DCC: variants seen among roughly 807,000 people sequenced by gnomAD.
DCC encodes the protein DCC netrin 1 receptor, also known as netrin receptor DCC.
Under a neutral mutation model 172.5 loss-of-function variants are expected in DCC, and 58 were observed. That is an observed-to-expected ratio of 0.34 (90% CI 0.27 to 0.42). The LOEUF (loss-of-function observed/expected upper bound fraction) is 0.42, where lower values mean the gene tolerates loss of function less well. Ranked by LOEUF, DCC falls within the 10% of genes least tolerant of loss-of-function variation. The pLI is 1.00. For missense variants in DCC, 1,740 were observed against 1,791.0 expected (o/e 0.97, Z 0.51); for synonymous variants, 709 against 644.5 (o/e 1.10, Z -1.52).
At chr18:52,868,456 G>GC (rs2039264137) in intron 2 of DCC, among the ~76,000 whole-genome samples, 1 of 152,136 alleles carries the variant, frequency 6.6e-6, no homozygotes, top group African/African-American at 2.4e-5. Flanking sequence ...TTTGTGGAGT[G>GC]CTGCCACTAA....
chr18:53,301,106 C>T (rs72925341), intron 12 of DCC, among the ~76,000 whole-genome samples: 44,369 of 146,988 alleles, frequency 0.3, 8,566 homozygotes, highest in Non-Finnish European at 0.44. Context: ...TTTCTTTTTC[C>T]GAGATGGAGT....
intron 12 of DCC, among the ~76,000 whole-genome samples, chr18:53,261,335 A>G (rs987374043): frequency 1.3e-5 from 2 of 152,180 alleles, no homozygotes; most frequent in East Asian, 1.9e-4. Context: ...CTATTCAGCC[A>G]TCTTGGCTCC....
chr18:52,920,119 G>C (rs1191272017), intron 3 of DCC, among the ~76,000 whole-genome samples: 1 of 151,070 alleles, frequency 6.6e-6, no homozygotes, highest in African/African-American at 2.4e-5. Flanking sequence ...GAAACTTCTA[G>C]AGGATAATGT....
rs143230659 is a variant in DCC, at chr18:53,402,929, C to T, written c.2935+36C>T. On this transcript the variant is annotated intron_variant, in intron 19 of 28. Coordinates refer to ENST00000442544, the MANE Select transcript of DCC (RefSeq NM_005215.4). ...CCACTTTCTCTCCCAGCATAGCTCT[C>T]CCTTGTCCTATAATTGCTTACCCCC... The T allele has an allele frequency of 5.0e-3, 7,345 of 1,457,218 alleles. 88 individuals are homozygous for T. Among genetic ancestry groups the T allele is most frequent in the Admixed American group, 0.03 (1,821 of 59,800 alleles). The allele number at this position is 1,457,218 out of a possible 1,614,324, so 90.3% of individuals were successfully genotyped here.
At chr18:53,093,829 G>A (rs996142260) in intron 7 of DCC, among the ~76,000 whole-genome samples, 1 of 152,148 alleles carries the variant, frequency 6.6e-6, no homozygotes, top group Non-Finnish European at 1.5e-5. Flanking sequence ...TGACAGATTT[G>A]TATTCAGCGA....
intron 1 of DCC, among the ~76,000 whole-genome samples, chr18:52,422,560 C>T (rs1987285149): frequency 1.3e-5 from 2 of 152,044 alleles, no homozygotes; most frequent in African/African-American, 4.8e-5. Flanking sequence ...AATGAATGTG[C>T]CTAGTAATAT....
intron 5 of DCC, among the ~76,000 whole-genome samples, chr18:53,045,610 G>A (rs1468174345): frequency 6.6e-6 from 1 of 151,762 alleles, no homozygotes; most frequent in Non-Finnish European, 1.5e-5. Flanking sequence ...CAAGACCGAT[G>A]GCAGGGATTT....
intron 1 of DCC, among the ~76,000 whole-genome samples, chr18:52,418,267 A>G (rs375524248): frequency 6.6e-6 from 1 of 152,200 alleles, no homozygotes; most frequent in East Asian, 1.9e-4. Flanking sequence ...CCCCTGGTGT[A>G]TCTTGAGAAT....
intron 1 of DCC, among the ~76,000 whole-genome samples, chr18:52,517,421 AT>A (rs2031677660): frequency 6.6e-6 from 1 of 152,186 alleles, no homozygotes; most frequent in African/African-American, 2.4e-5. Flanking sequence ...GCTGCGTAGA[AT>A]TTAGGTTAAC....
At chr18:53,345,034 G>A (rs563215636) in intron 15 of DCC, among the ~76,000 whole-genome samples, 1 of 151,914 alleles carries the variant, frequency 6.6e-6, no homozygotes, top group Admixed American at 6.6e-5. Flanking sequence ...TGCTATTAGA[G>A]CATGAAAGCA....
chr18:53,153,745 A>G (rs934102810), intron 7 of DCC, among the ~76,000 whole-genome samples: 3 of 152,150 alleles, frequency 2.0e-5, no homozygotes, highest in African/African-American at 7.2e-5. Context: ...GGAAAGTAGG[A>G]GTTATACAGA....
chr18:52,436,869 G>A (rs899698597), intron 1 of DCC, among the ~76,000 whole-genome samples: 4 of 152,138 alleles, frequency 2.6e-5, no homozygotes, highest in Non-Finnish European at 5.9e-5. Context: ...TCAGTGAGCC[G>A]AGATCATGCC....
chr18:53,340,426 A>G (rs917576653), intron 15 of DCC, among the ~76,000 whole-genome samples: 1 of 152,158 alleles, frequency 6.6e-6, no homozygotes, highest in Non-Finnish European at 1.5e-5. Flanking sequence ...CTGCAAAAGA[A>G]GATGAAAGAA....
chr18:53,098,989 A>G (rs1322249684), intron 7 of DCC, among the ~76,000 whole-genome samples: 1 of 152,090 alleles, frequency 6.6e-6, no homozygotes, highest in Non-Finnish European at 1.5e-5. Context: ...AGCCTGTGTG[A>G]CATAGCAAGA....
chr18:52,910,345 A>C (rs1392640444), intron 3 of DCC, among the ~76,000 whole-genome samples: 3 of 152,170 alleles, frequency 2.0e-5, no homozygotes, highest in South Asian at 2.1e-4. Context: ...ATAAAGTTTT[A>C]TCTCTTCCAG....
intron 1 of DCC, among the ~76,000 whole-genome samples, chr18:52,708,483 T>C (rs2036246122): frequency 2.0e-5 from 3 of 151,240 alleles, no homozygotes; most frequent in Admixed American, 6.6e-5. Context: ...TGGAAAACCC[T>C]AACCCAGAAC....
At chr18:53,412,783 T>C (rs1323384852) in intron 20 of DCC, among the ~76,000 whole-genome samples, 1 of 152,176 alleles carries the variant, frequency 6.6e-6, no homozygotes, top group African/African-American at 2.4e-5. Context: ...GTCTTTTTGA[T>C]ATTAACAACC....
chr18:52,848,767 A>G (rs1035957201), intron 2 of DCC, among the ~76,000 whole-genome samples: 5 of 152,204 alleles, frequency 3.3e-5, no homozygotes, highest in Admixed American at 2.0e-4. Context: ...ATGGTTTAAG[A>G]TAAGACATAT....
At chr18:53,399,338 G>T (rs1486078837) in intron 18 of DCC, among the ~76,000 whole-genome samples, 1 of 152,078 alleles carries the variant, frequency 6.6e-6, no homozygotes, top group Non-Finnish European at 1.5e-5. Flanking sequence ...TTTGAGACAG[G>T]TGATCACACA....
Sources: allele counts gnomAD v4.1 joint callset (sites outside exome capture counted in the v4.1 genomes callset), GRCh38; gene constraint gnomAD v4.1.1; transcripts MANE v1.5; gene names NCBI Gene and HGNC (gene_info 2026-07-23, HGNC 2026-07-21).